SH3BP2: variants seen among roughly 807,000 people sequenced by gnomAD.
The protein encoded by SH3BP2 is SH3 domain binding protein 2, also known as SH3 domain-binding protein 2.
Under a neutral mutation model 56.2 loss-of-function variants are expected in SH3BP2, and 38 were observed. The observed-to-expected ratio is 0.68, with a 90% CI of 0.52 to 0.89. The LOEUF (loss-of-function observed/expected upper bound fraction) is 0.89. SH3BP2 is among the 40% of genes least tolerant of loss of function. The pLI is 0.00. For synonymous variants in SH3BP2, 346 were observed against 316.7 expected, an observed-to-expected ratio of 1.09 and a Z score of -0.98; for missense variants, 748 against 762.6, an observed-to-expected ratio of 0.98 and a Z score of 0.23.
At chr4:2,825,356 G>C in intron 5 of SH3BP2, 160 bp downstream of exon 5, 1 of 686,734 alleles carries the variant, frequency 1.5e-6, no homozygotes, top group Non-Finnish European at 2.7e-6. Flanking sequence ...CCTGTCTACA[G>C]ATAAACACAG....
chr4:2,808,163 G>A (rs901149683), intron 1 of SH3BP2, among the ~76,000 whole-genome samples: 2 of 152,204 alleles, frequency 1.3e-5, no homozygotes, highest in African/African-American at 4.8e-5. Context: ...CTACAGGGCT[G>A]TGTTGCCCCG....
At chr4:2,812,020 G>A (rs995527439) in intron 1 of SH3BP2, 44 of 427,074 alleles carry the variant, frequency 1.0e-4, no homozygotes, top group Non-Finnish European at 8.0e-6. Flanking sequence ...GTGGCCCTGC[G>A]GGGAGGCAGC....
chr4:2,797,535 C>T (rs1367097624), intron 1 of SH3BP2, among the ~76,000 whole-genome samples: 1 of 152,214 alleles, frequency 6.6e-6, no homozygotes, highest in Non-Finnish European at 1.5e-5. Context: ...CACCTTGCCA[C>T]TCTCTCCCTT....
intron 1 of SH3BP2, among the ~76,000 whole-genome samples, chr4:2,815,477 G>A (rs1723954988): frequency 6.6e-6 from 1 of 152,222 alleles, no homozygotes; most frequent in African/African-American, 2.4e-5. Flanking sequence ...AGGCAGGAAC[G>A]AGCCCCTCAC....
chr4:2,797,860 C>T (rs1052505284), intron 1 of SH3BP2, among the ~76,000 whole-genome samples: 9 of 152,184 alleles, frequency 5.9e-5, no homozygotes, highest in East Asian at 3.8e-4. Context: ...GCGCGGGCAA[C>T]GGGCGGGCTG....
intron 1 of SH3BP2, among the ~76,000 whole-genome samples, chr4:2,802,036 A>C (rs745410215): frequency 3.9e-5 from 6 of 152,126 alleles, no homozygotes; most frequent in Non-Finnish European, 7.4e-5. Flanking sequence ...TGAAACTGGG[A>C]GGCAGAGGTT....
In SH3BP2 at chr4:2,833,004, G is replaced by C; in HGVS notation, c.1503G>C (p.Trp501Cys). 17 of 1,614,196 alleles carry C rather than the reference G, an allele frequency of 1.1e-5. No homozygotes were observed. The highest frequency in any genetic ancestry group is 1.4e-5 in the Non-Finnish European group (17 of 1,180,032). ...STKSGKVLVV[W>C]DETSNKVRNY... Reference sequence around the variant, plus strand: ...CCGTCCTGTAGGTCCTGGTTGTGTGGGACGAAACCTCTAACAAAGTGAGGA... The same window carrying C: ...CCGTCCTGTAGGTCCTGGTTGTGTGCGACGAAACCTCTAACAAAGTGAGGA... The change falls in exon 12 of 13, where the codon TGG (tryptophan) becomes TGC (cysteine). Residue 501 changes from tryptophan (W) to cysteine (C), a missense_variant. Around this residue, in one of 3 missense-constraint regions of SH3BP2, gnomAD observed 635 missense variants for 615.0 expected, o/e 1.03. Transcript: ENST00000503393.
intron 1 of SH3BP2, chr4:2,818,247 G>A (rs1577352285): frequency 2.0e-6 from 2 of 992,214 alleles, no homozygotes; most frequent in South Asian, 4.5e-5. Flanking sequence ...GGCCGCGGCC[G>A]CGGAGCTGGG....
Position 2,831,444 on chromosome 4 carries a change from G to T in SH3BP2, c.1242-127G>T. Reference sequence around the variant, plus strand: ...ATCTCTGTTGTCCTGAGCTTTTTAGGGTCACAGGGGCCATAGCAGGCAGCT... The same window carrying T: ...ATCTCTGTTGTCCTGAGCTTTTTAGTGTCACAGGGGCCATAGCAGGCAGCT... On this transcript the variant is annotated intron_variant, in intron 8 of 12. Coordinates refer to ENST00000503393, the MANE Select transcript of SH3BP2 (RefSeq NM_001122681.2). The surrounding 1 kb of genome is among the most constrained non-coding windows in gnomAD (Gnocchi z 4.1). The T allele has an allele frequency of 1.3e-6, 1 of 745,082 alleles. No individual in the cohort carries two copies. 46.2% of individuals were successfully genotyped at this position (745,082 alleles called of 1,614,324 possible). A position where few individuals can be genotyped will look rare whatever the true frequency, so the allele number is the denominator to read the frequency against.
rs41264717 is a variant in SH3BP2 at position 2,831,473 on chromosome 4, C to G, written c.1242-98C>G. On this transcript the variant is annotated intron_variant, in intron 8 of 12. Coordinates refer to ENST00000503393, the MANE Select transcript of SH3BP2 (RefSeq NM_001122681.2). The surrounding 1 kb of genome is among the most constrained non-coding windows in gnomAD (Gnocchi z 4.1). ...ACAGGGGCCATAGCAGGCAGCTTGCCGTCCTCACACAGAGGGTGGAGTGGG... is the reference window on the plus strand; with the variant it reads ...ACAGGGGCCATAGCAGGCAGCTTGCGGTCCTCACACAGAGGGTGGAGTGGG... 2 of 897,644 alleles carry G rather than the reference C, an allele frequency of 2.2e-6. No individual in the cohort carries two copies. Among genetic ancestry groups the G allele is most frequent in the Non-Finnish European group, 3.6e-6 (2 of 551,598 alleles). 55.6% of individuals were successfully genotyped at this position (897,644 alleles called of 1,614,324 possible). A position where few individuals can be genotyped will look rare whatever the true frequency, so the allele number is the denominator to read the frequency against.
rs532032683 is a variant in SH3BP2, at chr4:2,802,618, A to G, written c.-5+9480A>G. On this transcript the variant is annotated intron_variant, in intron 1 of 12. Transcript: ENST00000503393. ...TGTATATATGTGTATATATGTGTATATATGTGTATGTATGTGGTGTGTGTA... is the reference window on the plus strand; with the variant it reads ...TGTATATATGTGTATATATGTGTATGTATGTGTATGTATGTGGTGTGTGTA... Among the ~76,000 whole-genome samples the G allele has an allele frequency of 4.5e-3, 651 of 144,848 alleles. 2 individuals carry two copies. Among genetic ancestry groups the G allele is most frequent in the Non-Finnish European group, 7.4e-3 (497 of 66,894 alleles).
At chr4:2,793,292 CGGGTCTCGG>C (rs1261745201) in intron 1 of SH3BP2, among the ~76,000 whole-genome samples, 154 bp downstream of exon 1, 4 of 115,028 alleles carry the variant, frequency 3.5e-5, no homozygotes, top group Admixed American at 8.8e-5. Flanking sequence ...CAGGTCTCGG[CGGGTCTCGG>C]GGGTCTCGGG....
chr4:2,828,177 C>G (rs1331018929), intron 7 of SH3BP2, among the ~76,000 whole-genome samples: 2 of 152,046 alleles, frequency 1.3e-5, no homozygotes, highest in African/African-American at 4.8e-5. Flanking sequence ...GAGGACGTGT[C>G]TCTGTCCTCC....
chr4:2,797,455 C>A (rs577108194), intron 1 of SH3BP2, among the ~76,000 whole-genome samples: 16 of 152,354 alleles, frequency 1.1e-4, no homozygotes, highest in African/African-American at 3.6e-4. Context: ...ACTGCAAGAG[C>A]AGACAGGCCA....
chr4:2,824,673 T>C lies in SH3BP2; in HGVS notation c.300T>C (p.His100=), dbSNP rs3213501. Residue 100 remains histidine, a synonymous_variant, in exon 4 of 13, where the codon CAT becomes CAC. Transcript: ENST00000503393. The stretch of plus-strand genomic sequence containing the variant: ...ACGTTTTCCCCTTCAAGATCATCCA[T>C]ATCAGCAAGAAGCACCGCACGTGGT... ...SNNVFPFKII[H]ISKKHRTWFF... 0.74 allele frequency: 1,188,505 copies of C among 1,613,482 alleles called. 442,215 individuals carry two copies. Among genetic ancestry groups the C allele is most frequent in the African/African-American group, 0.96 (71,704 of 75,022 alleles).
chr4:2,832,803 GCTCT>G lies in SH3BP2; in HGVS notation c.1489-184_1489-181del, dbSNP rs573278572. Among the ~76,000 whole-genome samples the G allele has an allele frequency of 1.8e-3, 281 of 152,324 alleles. 1 individual carries two copies. Among genetic ancestry groups the G allele is most frequent in the South Asian group, 4.1e-3 (20 of 4,828 alleles). ...GGTTATGAGCTGTTGCTCATCAGAGGCTCTCTGAGGGCTGCCAGTGTCGCCCCCG... is the reference window on the plus strand; with the variant it reads ...GGTTATGAGCTGTTGCTCATCAGAGGCTGAGGGCTGCCAGTGTCGCCCCCG... On this transcript the variant is annotated intron_variant, in intron 11 of 12. Coordinates refer to ENST00000503393, the MANE Select transcript of SH3BP2 (RefSeq NM_001122681.2).
At chr4:2,823,566 A>C (rs2108729281) in intron 3 of SH3BP2, 1 of 455,674 alleles carries the variant, frequency 2.2e-6, no homozygotes, top group East Asian at 7.0e-5. Flanking sequence ...TTCTGCACTA[A>C]CAGGCAGGTG....
At chr4:2,822,156 C>T (rs190473578) in intron 2 of SH3BP2, among the ~76,000 whole-genome samples, 1 of 152,258 alleles carries the variant, frequency 6.6e-6, no homozygotes, top group African/African-American at 2.4e-5. Context: ...TGAGCCACCG[C>T]GCCTGGCCTA....
At chr4:2,816,685 G>A (rs1322279093) in intron 1 of SH3BP2, among the ~76,000 whole-genome samples, 7 of 152,086 alleles carry the variant, frequency 4.6e-5, no homozygotes, top group East Asian at 1.9e-4. Flanking sequence ...CTTGTTCTTC[G>A]TCTATCAAAA....
Sources: allele counts gnomAD v4.1 joint callset (sites outside exome capture counted in the v4.1 genomes callset), GRCh38; gene constraint gnomAD v4.1.1; regional missense constraint gnomAD v4.1.1; non-coding constraint Gnocchi (gnomAD v3.1); transcripts MANE v1.5; gene names NCBI Gene and HGNC (gene_info 2026-07-23, HGNC 2026-07-21).